SGCZ: variants seen among roughly 807,000 people sequenced by gnomAD.
SGCZ encodes zeta-sarcoglycan.
SGCZ carries 40 observed loss-of-function variants against 41.3 expected under a neutral mutation model. The observed-to-expected ratio is 0.97, with a 90% CI of 0.75 to 1.26. The LOEUF is 1.26. SGCZ is among the 50% of genes most tolerant of loss of function. SGCZ has a pLI of 0.00. For missense variants in SGCZ, 552 were observed against 369.8 expected (o/e 1.49, Z -4.04); for synonymous variants, 206 against 137.5 (o/e 1.50, Z -3.49).
chr8:14,617,683 C>T (rs369334482), intron 1 of SGCZ, among the ~76,000 whole-genome samples: 7 of 151,834 alleles, frequency 4.6e-5, no homozygotes, highest in South Asian at 4.2e-4. Context: ...TTAGCTGAGA[C>T]GTCAAGAAAG....
chr8:14,104,375 T>C (rs13248520), intron 6 of SGCZ, among the ~76,000 whole-genome samples: 63,947 of 151,756 alleles, frequency 0.42, 13,885 homozygotes, highest in Non-Finnish European at 0.48. Context: ...ATGGTGTTTA[T>C]GTATCAAAGT....
chr8:14,701,845 C>A (rs931081848), intron 1 of SGCZ, among the ~76,000 whole-genome samples: 10 of 151,906 alleles, frequency 6.6e-5, no homozygotes, highest in African/African-American at 2.4e-4. Flanking sequence ...TCATTTTCAG[C>A]CTTTTTTCTC....
At chr8:14,432,814 T>C (rs183517270) in intron 2 of SGCZ, among the ~76,000 whole-genome samples, 26 of 148,666 alleles carry the variant, frequency 1.7e-4, no homozygotes, top group Admixed American at 1.4e-3. Flanking sequence ...CTTGGGAGGC[T>C]GAGGCAGGAG....
chr8:14,451,815 A>G (rs2116928219), intron 2 of SGCZ, among the ~76,000 whole-genome samples: 2 of 152,374 alleles, frequency 1.3e-5, no homozygotes, highest in South Asian at 2.1e-4. Flanking sequence ...GCCAAAGTCC[A>G]GAACACTGAC....
intron 4 of SGCZ, among the ~76,000 whole-genome samples, chr8:14,183,370 AT>A (rs1804793558): frequency 6.6e-6 from 1 of 152,180 alleles, no homozygotes; most frequent in Non-Finnish European, 1.5e-5. Context: ...TGAGAACAGA[AT>A]AAAAATGGGA....
intron 3 of SGCZ, among the ~76,000 whole-genome samples, chr8:14,282,544 T>C (rs17118956): frequency 0.21 from 32,638 of 152,010 alleles, 3,700 homozygotes; most frequent in East Asian, 0.3. Context: ...TAGTGTCTCA[T>C]TTATTTTACC....
chr8:14,917,880 T>G (rs7841995), intron 1 of SGCZ, among the ~76,000 whole-genome samples: 5,859 of 152,218 alleles, frequency 0.038, 365 homozygotes, highest in African/African-American at 0.13. Context: ...ATGCATAATA[T>G]TTGACTTTTA....
chr8:15,130,799 A>T (rs1790279780), intron 1 of SGCZ, among the ~76,000 whole-genome samples: 1 of 152,224 alleles, frequency 6.6e-6, no homozygotes, highest in Admixed American at 6.5e-5. Flanking sequence ...ATGTTTTCTG[A>T]ATATTCATCA....
chr8:14,917,652 T>C (rs890348203), intron 1 of SGCZ, among the ~76,000 whole-genome samples: 1 of 152,148 alleles, frequency 6.6e-6, no homozygotes, highest in Non-Finnish European at 1.5e-5. Context: ...AATAGATCAC[T>C]TACTTTACAT....
chr8:15,196,900 T>A (rs1234563681), intron 1 of SGCZ, among the ~76,000 whole-genome samples: 1 of 152,246 alleles, frequency 6.6e-6, no homozygotes, highest in Non-Finnish European at 1.5e-5. Context: ...TGTTGCTGGT[T>A]GGCAGCTGGA....
chr8:14,516,071 T>A (rs1252002893), intron 2 of SGCZ, among the ~76,000 whole-genome samples: 1 of 151,952 alleles, frequency 6.6e-6, no homozygotes, highest in Non-Finnish European at 1.5e-5. Context: ...TGGACTGATT[T>A]AAAAATGGCA....
chr8:14,493,204 A>C (rs1801891981), intron 2 of SGCZ, among the ~76,000 whole-genome samples: 1 of 151,810 alleles, frequency 6.6e-6, no homozygotes, highest in Non-Finnish European at 1.5e-5. Context: ...AGCAGTACAA[A>C]ATCTGTTCTT....
intron 1 of SGCZ, among the ~76,000 whole-genome samples, chr8:14,571,566 A>C (rs917823341): frequency 5.9e-5 from 9 of 152,090 alleles, no homozygotes; most frequent in Non-Finnish European, 1.0e-4. Context: ...TCAATGTATA[A>C]ATTTTTTTTT....
intron 1 of SGCZ, among the ~76,000 whole-genome samples, chr8:14,814,681 G>A (rs930893623): frequency 6.6e-6 from 1 of 152,138 alleles, no homozygotes; most frequent in African/African-American, 2.4e-5. Context: ...TCGGCAGGTA[G>A]GAACTTGGAG....
chr8:14,151,078 T>C (rs1353116932), intron 5 of SGCZ, among the ~76,000 whole-genome samples: 1 of 151,948 alleles, frequency 6.6e-6, no homozygotes, highest in Non-Finnish European at 1.5e-5. Context: ...GTACAAAAAA[T>C]AGTAAGAAAA....
chr8:14,769,832 T>C (rs950738392), intron 1 of SGCZ, among the ~76,000 whole-genome samples: 1 of 117,732 alleles, frequency 8.5e-6, no homozygotes, highest in African/African-American at 3.9e-5. Flanking sequence ...AACAAAATAC[T>C]TCAATGGCTC....
At chr8:14,490,225 T>C (rs1801804148) in intron 2 of SGCZ, among the ~76,000 whole-genome samples, 1 of 152,156 alleles carries the variant, frequency 6.6e-6, no homozygotes, top group Non-Finnish European at 1.5e-5. Context: ...AATAATTGTA[T>C]AAGATAATAT....
chr8:15,229,299 T>C (rs895234314), intron 1 of SGCZ, among the ~76,000 whole-genome samples: 5 of 152,224 alleles, frequency 3.3e-5, no homozygotes, highest in Non-Finnish European at 7.3e-5. Flanking sequence ...AAAAGGATTT[T>C]AATAATTTTA....
At chr8:14,773,806 C>T (rs144539907) in intron 1 of SGCZ, among the ~76,000 whole-genome samples, 181 of 152,214 alleles carry the variant, frequency 1.2e-3, no homozygotes, top group African/African-American at 4.2e-3. Flanking sequence ...ACACTCCACA[C>T]CCAATTGCCT....
Sources: allele counts gnomAD v4.1 joint callset (sites outside exome capture counted in the v4.1 genomes callset), GRCh38; gene constraint gnomAD v4.1.1; transcripts MANE v1.5; gene names NCBI Gene and HGNC (gene_info 2026-07-23, HGNC 2026-07-21).